RALGPS1: variants seen among roughly 807,000 people sequenced by gnomAD.
The protein encoded by RALGPS1 is Ral GEF with PH domain and SH3 binding motif 1.
In RALGPS1, 19 loss-of-function variants were observed where a neutral mutation model predicts 78.8. That is an observed-to-expected ratio of 0.24 (90% confidence interval 0.17 to 0.35). The LOEUF (loss-of-function observed/expected upper bound fraction) is 0.35. Ranked by LOEUF, RALGPS1 falls within the 10% of genes least tolerant of loss-of-function variation. The pLI, the probability that RALGPS1 is intolerant of heterozygous loss-of-function variation, is 1.00. For missense variants in RALGPS1, 454 were observed against 688.3 expected (o/e 0.66, Z 3.81); for synonymous variants, 228 against 256.3 (o/e 0.89, Z 1.06).
At chr9:127,178,953 A>C (rs1393204448) in intron 11 of RALGPS1, among the ~76,000 whole-genome samples, 1 of 152,216 alleles carries the variant, frequency 6.6e-6, no homozygotes. Flanking sequence ...AAGCTCCTTG[A>C]GGAAGGGCCC....
chr9:127,089,742 A>G (rs904046650), intron 8 of RALGPS1, among the ~76,000 whole-genome samples: 1 of 152,376 alleles, frequency 6.6e-6, no homozygotes, highest in Middle Eastern at 3.4e-3. Flanking sequence ...GCATTATCAC[A>G]TCATGCTGAA....
chr9:126,937,798 AG>A (rs1266892535), intron 1 of RALGPS1, among the ~76,000 whole-genome samples: 1 of 152,196 alleles, frequency 6.6e-6, no homozygotes, highest in East Asian at 1.9e-4. Flanking sequence ...CTGAGGTGTG[AG>A]GGAACCTAGG....
At chr9:127,074,822 T>C (rs534037995) in intron 8 of RALGPS1, among the ~76,000 whole-genome samples, 3 of 152,368 alleles carry the variant, frequency 2.0e-5, no homozygotes, top group Admixed American at 2.0e-4. Flanking sequence ...CTCTTGACAC[T>C]GCCCTCTCCT....
intron 7 of RALGPS1, among the ~76,000 whole-genome samples, chr9:127,062,656 A>G (rs1384684199): frequency 6.6e-6 from 1 of 152,192 alleles, no homozygotes; most frequent in Admixed American, 6.5e-5. Context: ...CTTTCCGTAG[A>G]CAGGAATTAT....
chr9:126,992,597 C>A (rs1211616903), intron 4 of RALGPS1, among the ~76,000 whole-genome samples: 2 of 152,158 alleles, frequency 1.3e-5, no homozygotes, highest in South Asian at 4.1e-4. Flanking sequence ...TCTGTAGATC[C>A]ATTTGGGGAG....
At chr9:126,988,784 A>C (rs2042025881) in intron 4 of RALGPS1, among the ~76,000 whole-genome samples, 1 of 152,164 alleles carries the variant, frequency 6.6e-6, no homozygotes, top group African/African-American at 2.4e-5. Flanking sequence ...GAGAGGAAGC[A>C]GGCTGTAGTT....
intron 8 of RALGPS1, among the ~76,000 whole-genome samples, chr9:127,151,642 G>T (rs1193989631): frequency 6.6e-6 from 1 of 152,106 alleles, no homozygotes; most frequent in Admixed American, 6.5e-5. Context: ...TGTTTTGCCT[G>T]AGTCTTTGCA....
rs1588626310 is a variant in RALGPS1, at chr9:127,218,333, A to C, written c.1645-407A>C. Among the ~76,000 whole-genome samples the C allele has an allele frequency of 6.6e-6, 1 of 152,178 alleles. No homozygotes were observed. Among genetic ancestry groups the C allele is most frequent in the African/African-American group, 2.4e-5 (1 of 41,438 alleles). ...GCCACCCACCCTCTGCACACACCTC[A>C]GGCCTTCAGGATTTGTCTCTCTGCC... On this transcript the variant is annotated intron_variant, in intron 18 of 18. Coordinates refer to ENST00000259351, the MANE Select transcript of RALGPS1 (RefSeq NM_014636.3). This position sits in a 1 kb window ranked among gnomAD's most constrained non-coding sequence, Gnocchi z 4.4.
At chr9:127,059,750 A>G (rs986035084) in intron 7 of RALGPS1, among the ~76,000 whole-genome samples, 6 of 151,976 alleles carry the variant, frequency 3.9e-5, no homozygotes, top group African/African-American at 9.7e-5. Flanking sequence ...CTCTGCTTGC[A>G]TGTTCCTTTG....
intron 8 of RALGPS1, among the ~76,000 whole-genome samples, chr9:127,112,371 G>A (rs988681234): frequency 5.9e-5 from 9 of 152,236 alleles, no homozygotes; most frequent in African/African-American, 2.2e-4. Context: ...GGCCTGCTGG[G>A]CCAACGCCTT....
intron 8 of RALGPS1, among the ~76,000 whole-genome samples, chr9:127,119,654 C>CT (rs2055835710): frequency 6.6e-6 from 1 of 152,142 alleles, no homozygotes; most frequent in Admixed American, 6.5e-5. Context: ...TGGGTACTTC[C>CT]TAAATCACTG....
intron 8 of RALGPS1, among the ~76,000 whole-genome samples, chr9:127,156,575 T>C (rs1440094018): frequency 6.6e-6 from 1 of 152,198 alleles, no homozygotes; most frequent in African/African-American, 2.4e-5. Context: ...CTTCCACAAA[T>C]TGCTCATCTT....
At chr9:127,046,383 G>A (rs890315390) in intron 5 of RALGPS1, among the ~76,000 whole-genome samples, 2 of 152,132 alleles carry the variant, frequency 1.3e-5, no homozygotes, top group Non-Finnish European at 2.9e-5. Flanking sequence ...ATTGTAGATA[G>A]TGCTTCAATG....
rs1480089885 is a variant in RALGPS1, at chr9:127,222,297, T to C, written c.*3528T>C. 6.6e-6 allele frequency: 1 copy of C among 152,246 alleles called. No individual in the cohort carries two copies. Among genetic ancestry groups the C allele is most frequent in the African/African-American group, 2.4e-5 (1 of 41,458 alleles). The allele number at this position is 152,246 out of a possible 1,614,324, so 9.4% of individuals were successfully genotyped here. A position where few individuals can be genotyped will look rare whatever the true frequency, so the allele number is the denominator to read the frequency against. On this transcript the variant is annotated 3_prime_UTR_variant, in exon 19 of 19. Transcript: ENST00000259351. ...GCATCAAAAGGCTCAACAGACTGAA[T>C]GGCCTCTTGGTCTGCGAAAATTCAG...
chr9:127,146,542 C>CTTTTT (rs60707997), intron 8 of RALGPS1, among the ~76,000 whole-genome samples: 9 of 130,846 alleles, frequency 6.9e-5, no homozygotes, highest in African/African-American at 2.6e-4. Context: ...GTGCATGTGT[C>CTTTTT]TTTTTTTTTT....
At chr9:127,073,917 T>C (rs1010925901) in intron 8 of RALGPS1, among the ~76,000 whole-genome samples, 1 of 152,220 alleles carries the variant, frequency 6.6e-6, no homozygotes, top group Non-Finnish European at 1.5e-5. Context: ...GTTTCACCCT[T>C]GTTGCCCAGG....
At chr9:126,997,347 A>G (rs373072821) in intron 4 of RALGPS1, among the ~76,000 whole-genome samples, 16 of 152,344 alleles carry the variant, frequency 1.1e-4, no homozygotes, top group East Asian at 3.9e-4. Context: ...TTCAAAATCA[A>G]TGTACAAAAA....
chr9:127,154,743 C>T (rs958972743), intron 8 of RALGPS1, among the ~76,000 whole-genome samples: 2 of 152,176 alleles, frequency 1.3e-5, no homozygotes, highest in African/African-American at 4.8e-5. Context: ...AGACTAGGTA[C>T]AGTGTGGTCA....
chr9:127,121,777 C>T (rs1378549985), intron 8 of RALGPS1, among the ~76,000 whole-genome samples: 1 of 152,204 alleles, frequency 6.6e-6, no homozygotes, highest in South Asian at 2.1e-4. Flanking sequence ...CTGCTCTCCT[C>T]GCCAGCTGGA....
Sources: gnomAD v4.1 joint callset for allele counts (sites outside exome capture counted in the v4.1 genomes callset) on GRCh38, gnomAD v4.1.1 for gene constraint, Gnocchi (gnomAD v3.1) non-coding constraint, MANE v1.5 for transcripts, NCBI Gene and HGNC (gene_info 2026-07-23, HGNC 2026-07-21) for gene names.